The following GOLGA3 variants were observed in gnomAD, a reference collection of about 807,000 sequenced individuals.
GOLGA3 encodes the protein golgin A3.
GOLGA3 carries 75 observed loss-of-function variants against 169.4 expected under a neutral mutation model. The ratio of observed to expected loss-of-function variants is 0.44; its 90% CI spans 0.37 to 0.54. GOLGA3 has a LOEUF of 0.54. GOLGA3 is among the 20% of genes least tolerant of loss of function. GOLGA3 has a pLI of 0.00. For missense variants in GOLGA3, 1,899 were observed against 1,930.0 expected (o/e 0.98, Z 0.30); for synonymous variants, 824 against 822.4 (o/e 1.00, Z -0.03).
rs1310529932 is a variant in GOLGA3 at position 132,787,632 on chromosome 12, C to T, written c.2812-845G>A. 1.7e-5 allele frequency among the ~76,000 whole-genome samples: 2 copies of T among 115,684 alleles called. 1 individual carries two copies. Among genetic ancestry groups the T allele is most frequent in the Admixed American group, 1.7e-4 (2 of 11,760 alleles). 75.9% of individuals were successfully genotyped at this position (115,684 alleles called of 152,430 possible). On this transcript the variant is annotated intron_variant, in intron 13 of 23. Coordinates refer to ENST00000450791, the MANE Select transcript of GOLGA3 (RefSeq NM_001389683.1). ...CCCCGGAGACCCCGGGACCCCTCCC[C>T]GGAGACCACGGGACCCCTCCCCGGA...
chr12:132,777,917 G>T lies in GOLGA3; in HGVS notation c.3583-112C>A, dbSNP rs777345239. 1.8e-5 allele frequency: 22 copies of T among 1,190,602 alleles called. No individual in the cohort carries two copies. In the East Asian group the frequency reaches 5.5e-4, roughly 30 times the overall value. The allele number at this position is 1,190,602 out of a possible 1,614,324, so 73.8% of individuals were successfully genotyped here. On this transcript the variant is annotated intron_variant, in intron 18 of 23. Transcript: ENST00000450791. This position sits in a 1 kb window ranked among gnomAD's most constrained non-coding sequence, Gnocchi z 4.7. ...CGGCCCCGTGCATGTCCTGGCTGCC[G>T]GCGTGTGCTTCTCCACAGGCCTGTC...
chr12:132,782,641 C>G, intron 16 of GOLGA3, 148 bp from the exon 17 acceptor site: 1 of 667,958 alleles, frequency 1.5e-6, no homozygotes, highest in Non-Finnish European at 2.7e-6. Context: ...CATTGGGAGG[C>G]CGAGGCAGGG....
intron 11 of GOLGA3, among the ~76,000 whole-genome samples, chr12:132,794,402 C>A (rs915450503): frequency 6.6e-6 from 1 of 151,766 alleles, no homozygotes; most frequent in Non-Finnish European, 1.5e-5. Flanking sequence ...GCAGAGTGGC[C>A]AACACCAGGC....
intron 18 of GOLGA3, among the ~76,000 whole-genome samples, chr12:132,778,554 G>A (rs907045827): frequency 2.6e-5 from 4 of 151,208 alleles, no homozygotes; most frequent in African/African-American, 9.7e-5. Context: ...CTGGGCGACA[G>A]AGCGAGACTC....
Position 132,786,763 on chromosome 12 carries a change from T to A in GOLGA3, c.2836A>T (p.Met946Leu), listed in dbSNP as rs1189849199. The change falls in exon 14 of 24, where the codon ATG (methionine) becomes TTG (leucine). Residue 946 changes from methionine to leucine, a missense_variant. Transcript: ENST00000450791. Reference sequence around the variant, plus strand: ...TCATTGGCCTCTGTGACCGCGACCATCTGCTCCTTATCGAACTGCAACGAC... The same window carrying A: ...TCATTGGCCTCTGTGACCGCGACCAACTGCTCCTTATCGAACTGCAACGAC... ...LQSLQFDKEQ[M>L]VAVTEANEAL... 1.2e-6 allele frequency: 2 copies of A among 1,612,972 alleles called. No individual in the cohort carries two copies. Among genetic ancestry groups the A allele is most frequent in the East Asian group, 2.2e-5 (1 of 44,852 alleles).
At chr12:132,824,596 A>T (rs1950338099) in intron 1 of GOLGA3, among the ~76,000 whole-genome samples, 1 of 152,222 alleles carries the variant, frequency 6.6e-6, no homozygotes, top group Admixed American at 6.5e-5. Context: ...TAAAGATTAA[A>T]GCAATGTCTG....
At chr12:132,809,018 G>A (rs1218809829) in intron 4 of GOLGA3, among the ~76,000 whole-genome samples, 4 of 152,192 alleles carry the variant, frequency 2.6e-5, no homozygotes, top group Non-Finnish European at 2.9e-5. Context: ...GGGCTGCGCT[G>A]TTATTTATTG....
chr12:132,796,265 C>G, intron 10 of GOLGA3, 45 bp from the exon 11 acceptor site: 1 of 1,541,662 alleles, frequency 6.5e-7, no homozygotes, highest in Middle Eastern at 2.3e-4. Context: ...GACCCTCCTC[C>G]GAGAGCGTAT....
intron 17 of GOLGA3, among the ~76,000 whole-genome samples, chr12:132,781,993 G>A (rs2045631332): frequency 6.6e-6 from 1 of 152,082 alleles, no homozygotes; most frequent in Non-Finnish European, 1.5e-5. Context: ...GGTGAACTGA[G>A]CACACGCAGG....
chr12:132,808,140 A>T lies in GOLGA3; in HGVS notation c.929T>A (p.Val310Glu), dbSNP rs1430867218. The T allele has an allele frequency of 6.2e-7, 1 of 1,608,728 alleles. No homozygotes were observed. The highest frequency in any genetic ancestry group is 1.3e-5 in the African/African-American group (1 of 74,510). The change falls in exon 5 of 24, where the codon GTG (valine) becomes GAG (glutamate). Residue 310 changes from valine to glutamate, a missense_variant. Transcript: ENST00000450791. ...TSLAGDSVSE[V>E]DGNDSDSSSY... is the part of the protein sequence containing the mutation. The stretch of plus-strand genomic sequence containing the variant: ...TGAGCTGTCGCTGTCATTTCCATCC[A>T]CCTCAGACACGCTGTCTCCAGCCAG...
chr12:132,805,723 G>A (rs546013468), intron 6 of GOLGA3, among the ~76,000 whole-genome samples: 1 of 152,316 alleles, frequency 6.6e-6, no homozygotes, highest in African/African-American at 2.4e-5. Flanking sequence ...CTGGTTTTGG[G>A]CCCAACTGCA....
intron 18 of GOLGA3, among the ~76,000 whole-genome samples, chr12:132,779,453 C>G (rs768197732): frequency 6.6e-6 from 1 of 152,156 alleles, no homozygotes; most frequent in Non-Finnish European, 1.5e-5. Context: ...AATCAAGAAC[C>G]TTTTTCTTTT....
intron 18 of GOLGA3, among the ~76,000 whole-genome samples, chr12:132,779,127 C>CTGGAG (rs2045408348): frequency 6.6e-6 from 1 of 152,134 alleles, no homozygotes; most frequent in Non-Finnish European, 1.5e-5. Context: ...GTTGCCCAGG[C>CTGGAG]TGGAGTGCAA....
At chr12:132,823,292 ATAT>A (rs1950289546) in intron 1 of GOLGA3, among the ~76,000 whole-genome samples, 1 of 152,238 alleles carries the variant, frequency 6.6e-6, no homozygotes, top group East Asian at 1.9e-4. Flanking sequence ...TGTGCTGGTG[ATAT>A]TATTAACTCA....
chr12:132,780,048 C>T (rs561847827), intron 18 of GOLGA3, among the ~76,000 whole-genome samples: 5 of 147,608 alleles, frequency 3.4e-5, no homozygotes, highest in Middle Eastern at 3.8e-3. Flanking sequence ...GACACCCCCC[C>T]GCGCACATAC....
chr12:132,783,744 AT>A, intron 16 of GOLGA3: 1 of 343,894 alleles, frequency 2.9e-6, no homozygotes, highest in Non-Finnish European at 4.9e-6. Context: ...CACCCGGCTA[AT>A]TTTTGTATTT....
At chr12:132,787,248 G>A (rs568234056) in intron 13 of GOLGA3, among the ~76,000 whole-genome samples, 6 of 152,146 alleles carry the variant, frequency 3.9e-5, no homozygotes, top group East Asian at 3.9e-4. Flanking sequence ...CACTGCACCC[G>A]GCCACAAACC....
intron 8 of GOLGA3, among the ~76,000 whole-genome samples, chr12:132,800,934 G>A (rs1369169552): frequency 6.6e-6 from 1 of 152,216 alleles, no homozygotes; most frequent in Non-Finnish European, 1.5e-5. Flanking sequence ...TCTCCAGCCT[G>A]GGTGACGGAG....
chr12:132,776,108 G>A (rs1174957776), intron 21 of GOLGA3, among the ~76,000 whole-genome samples: 2 of 151,240 alleles, frequency 1.3e-5, no homozygotes, highest in Non-Finnish European at 3.0e-5. Flanking sequence ...GGAACCAGGG[G>A]CTGCCCCAGA....
Sources: allele counts gnomAD v4.1 joint callset (sites outside exome capture counted in the v4.1 genomes callset), GRCh38; gene constraint gnomAD v4.1.1; non-coding constraint Gnocchi (gnomAD v3.1); transcripts MANE v1.5; gene names NCBI Gene and HGNC (gene_info 2026-07-23, HGNC 2026-07-21).